LRP2: variants seen among roughly 807,000 people sequenced by gnomAD.
The protein encoded by LRP2 is low-density lipoprotein receptor-related protein 2.
In LRP2, 172 loss-of-function variants were observed where a neutral mutation model predicts 531.0. That is an observed-to-expected ratio of 0.32 (90% confidence interval 0.29 to 0.37). The LOEUF (loss-of-function observed/expected upper bound fraction) is 0.37. Among genes scored for constraint, LRP2 ranks in the 10% least tolerant of loss-of-function variants. The pLI is 1.00. For missense variants in LRP2, 5,167 were observed against 5,868.3 expected (o/e 0.88, Z 3.90); for synonymous variants, 1,992 against 2,027.6 (o/e 0.98, Z 0.47).
intron 33 of LRP2, among the ~76,000 whole-genome samples, chr2:169,222,078 G>A (rs1275230216): frequency 6.6e-6 from 1 of 152,092 alleles, no homozygotes; most frequent in Non-Finnish European, 1.5e-5. Flanking sequence ...ATATTATACA[G>A]GTAAACAGAA....
chr2:169,168,345 G>A (rs1686865504), intron 61 of LRP2, among the ~76,000 whole-genome samples, 194 bp downstream of exon 61: 1 of 151,998 alleles, frequency 6.6e-6, no homozygotes, highest in Non-Finnish European at 1.5e-5. Flanking sequence ...TAAAAACATG[G>A]AGGTTTTCCC....
rs201877886 is a variant in LRP2 at position 169,206,687 on chromosome 2, G to A, written c.7033C>T (p.Pro2345Ser). Residue 2345 changes from proline (P) to serine (S), a missense_variant, in exon 39 of 79, where the codon CCT (proline) becomes TCT (serine). Coordinates refer to ENST00000649046, the MANE Select transcript of LRP2 (RefSeq NM_004525.3). Reference protein sequence around the residue: ...PRSPAEVNNNPCLENNGGCSH... With the variant: ...PRSPAEVNNNSCLENNGGCSH... ...CACCCACCATTGTTTTCCAAGCAAG[G>A]GTTGTTGTTGACCTCTGCTGGTGAC... 2.5e-6 allele frequency: 4 copies of A among 1,614,026 alleles called. No individual in the cohort carries two copies. The African/African-American group carries it at 4.0e-5, about 16-fold the overall frequency.
intron 1 of LRP2, among the ~76,000 whole-genome samples, chr2:169,334,686 T>G (rs1411231559): frequency 6.6e-6 from 1 of 152,220 alleles, no homozygotes; most frequent in African/African-American, 2.4e-5. Flanking sequence ...GGGCAGGAAC[T>G]GTTTGTGTCT....
At chr2:169,314,013 A>G (rs1684691362) in intron 3 of LRP2, among the ~76,000 whole-genome samples, 1 of 152,236 alleles carries the variant, frequency 6.6e-6, no homozygotes, top group South Asian at 2.1e-4. Flanking sequence ...TATATGTAGT[A>G]TAGATATTTA....
At chr2:169,348,352 C>T (rs1287372762) in intron 1 of LRP2, among the ~76,000 whole-genome samples, 1 of 152,142 alleles carries the variant, frequency 6.6e-6, no homozygotes, top group Non-Finnish European at 1.5e-5. Flanking sequence ...AGACAAGTGG[C>T]CATGGGTCCT....
At chr2:169,220,343 G>T in intron 34 of LRP2, 111 bp downstream of exon 34, 1 of 784,420 alleles carries the variant, frequency 1.3e-6, no homozygotes, top group Non-Finnish European at 2.3e-6. Flanking sequence ...TTCAAATGTT[G>T]ACATATGAAA....
intron 71 of LRP2, among the ~76,000 whole-genome samples, chr2:169,141,760 AT>A (rs1274637072): frequency 6.6e-6 from 1 of 152,182 alleles, no homozygotes; most frequent in African/African-American, 2.4e-5. Context: ...TGAAATTGTC[AT>A]TTTGTTCCAA....
intron 1 of LRP2, among the ~76,000 whole-genome samples, chr2:169,340,473 G>A (rs1216958052): frequency 2.0e-5 from 3 of 152,136 alleles, no homozygotes; most frequent in Non-Finnish European, 4.4e-5. Context: ...GTGATCATAG[G>A]ACTAAGTCTT....
chr2:169,129,501 G>A (rs1017672068), intron 77 of LRP2, among the ~76,000 whole-genome samples: 1 of 152,178 alleles, frequency 6.6e-6, no homozygotes, highest in Non-Finnish European at 1.5e-5. Context: ...ATTCCCTAAA[G>A]TAACATTCTT....
chr2:169,224,748 A>G (rs1471059901), intron 33 of LRP2, among the ~76,000 whole-genome samples: 1 of 152,222 alleles, frequency 6.6e-6, no homozygotes, highest in Non-Finnish European at 1.5e-5. Context: ...ACAAGGTAGT[A>G]TTGATAATTA....
Position 169,173,949 on chromosome 2 carries a change from C to A in LRP2, c.10984G>T (p.Asp3662Tyr). The A allele has an allele frequency of 6.2e-7, 1 of 1,614,212 alleles. No homozygotes were observed. Among genetic ancestry groups the A allele is most frequent in the South Asian group, 1.1e-5 (1 of 91,068 alleles). Residue 3662 changes from aspartate to tyrosine, a missense_variant, in exon 56 of 79, where the codon GAC becomes TAC. Physicochemically the swap from Asp to Tyr is radical, Grantham distance 160. This residue lies in a region of LRP2 where 311 missense variants were observed against 309.4 expected (regional missense o/e 1.01). Transcript: ENST00000649046. ...WKCDVDNDCG[D>Y]HSDEPIEECM... ...TCTTCAATGGGCTCATCCGAGTGGT[C>A]TCCACAATCATTATCCACATCACAC...
rs562369969 is a variant in LRP2 at position 169,168,463 on chromosome 2, C to G, written c.11635+76G>C. ...CAATTGTACAACTGCTCTCCAGGCT[C>G]ACATGCTACACGTAAGAAACAATGA... On this transcript the variant is annotated intron_variant, in intron 61 of 78. Transcript: ENST00000649046. 653 of 1,570,842 alleles carry G rather than the reference C, an allele frequency of 4.2e-4. 1 individual carries two copies. Among genetic ancestry groups the G allele is most frequent in the Non-Finnish European group, 2.7e-4 (303 of 1,141,192 alleles).
chr2:169,251,939 G>A (rs1690187236), intron 19 of LRP2, among the ~76,000 whole-genome samples: 1 of 32,162 alleles, frequency 3.1e-5, no homozygotes, highest in African/African-American at 2.5e-4. Flanking sequence ...GACTAAACCA[G>A]GAAGAAGTTG....
intron 16 of LRP2, among the ~76,000 whole-genome samples, chr2:169,268,110 A>G (rs894310625): frequency 4.6e-5 from 7 of 152,230 alleles, no homozygotes; most frequent in Non-Finnish European, 1.0e-4. Flanking sequence ...TGAGGCAATA[A>G]TTAATAGCCT....
At chr2:169,288,929 G>T in intron 9 of LRP2, 97 bp downstream of exon 9, 1 of 1,575,088 alleles carries the variant, frequency 6.3e-7, no homozygotes, top group South Asian at 1.1e-5. Context: ...AGACCATGAC[G>T]ACTCTCCACA....
chr2:169,329,281 G>A (rs1017761124), intron 1 of LRP2, among the ~76,000 whole-genome samples: 6 of 152,134 alleles, frequency 3.9e-5, no homozygotes, highest in East Asian at 3.9e-4. Context: ...GATCACTCAC[G>A]CCTGTAATCC....
At chr2:169,149,128 T>C (rs1185741769) in intron 68 of LRP2, among the ~76,000 whole-genome samples, 2 of 152,250 alleles carry the variant, frequency 1.3e-5, no homozygotes, top group East Asian at 1.9e-4. Context: ...TACCCATCTA[T>C]GTAAATAAGG....
chr2:169,221,665 C>T (rs943437057), intron 33 of LRP2, among the ~76,000 whole-genome samples: 4 of 152,172 alleles, frequency 2.6e-5, no homozygotes, highest in Non-Finnish European at 4.4e-5. Flanking sequence ...TGCGTGTGCA[C>T]GTGTGTGCAC....
Position 169,198,862 on chromosome 2 carries a change from A to C in LRP2, c.8502T>G (p.Ile2834Met), listed in dbSNP as rs1241263170. Reference sequence around the variant, plus strand: ...CACACAAATAAACGCGAGGAATACAAATATTTGAATTATGACATTTTGTGT... The same window carrying C: ...CACACAAATAAACGCGAGGAATACACATATTTGAATTATGACATTTTGTGT... ...SGYTKCHNSN[I>M]CIPRVYLCDG... The change falls in exon 45 of 79, where the codon ATT (isoleucine) becomes ATG (methionine). Residue 2834 changes from isoleucine (I) to methionine (M), a missense_variant. Coordinates refer to ENST00000649046, the MANE Select transcript of LRP2 (RefSeq NM_004525.3). 1 of 1,613,966 alleles carries C rather than the reference A, an allele frequency of 6.2e-7. No homozygotes were observed. Among genetic ancestry groups the C allele is most frequent in the Non-Finnish European group, 8.5e-7 (1 of 1,179,874 alleles).
Sources: gnomAD v4.1 joint callset for allele counts (sites outside exome capture counted in the v4.1 genomes callset) on GRCh38, gnomAD v4.1.1 for gene constraint, gnomAD v4.1.1 regional missense constraint, MANE v1.5 for transcripts, NCBI Gene and HGNC (gene_info 2026-07-23, HGNC 2026-07-21) for gene names.